RB1: variants seen among roughly 807,000 people sequenced by gnomAD.
RB1 encodes the protein retinoblastoma-associated protein.
In RB1, 18 loss-of-function variants were observed where a neutral mutation model predicts 135.4. That is an observed-to-expected ratio of 0.13 (90% CI 0.09 to 0.20). The LOEUF (loss-of-function observed/expected upper bound fraction) is 0.20. Ranked by LOEUF, RB1 falls within the 10% of genes least tolerant of loss-of-function variation. The probability of loss-of-function intolerance (pLI) is 1.00; values close to 1 mark genes in which losing one functional copy is unlikely to be tolerated. For missense variants in RB1, 868 were observed against 1,110.0 expected, an observed-to-expected ratio of 0.78 and a Z score of 3.10; for synonymous variants, 365 against 373.2, an observed-to-expected ratio of 0.98 and a Z score of 0.25.
intron 3 of RB1, among the ~76,000 whole-genome samples, chr13:48,344,077 C>T (rs533250566): frequency 2.0e-5 from 3 of 152,058 alleles, no homozygotes; most frequent in Non-Finnish European, 4.4e-5. Context: ...ATTCCTTATA[C>T]AAAATTCATG....
At position 48,459,784 on chromosome 13, in the gene RB1, A is replaced by G. The variant is rs1172128543; in HGVS notation, c.2057A>G (p.His686Arg). Residue 686 changes from histidine (H) to arginine (R), a missense_variant, in exon 20 of 27, where the codon CAC (histidine) becomes CGC (arginine). By Grantham distance (29) the His-to-Arg change is conservative. Transcript: ENST00000267163. ...LEHIIWTLFQ[H>R]TLQNEYELMR... ...CATATCATCTGGACCCTTTTCCAGC[A>G]CACCCTGCAGAATGAGTATGAACTC... 6.2e-7 allele frequency: 1 copy of G among 1,613,886 alleles called. No individual in the cohort carries two copies. The highest frequency in any genetic ancestry group is 8.5e-7 in the Non-Finnish European group (1 of 1,179,966).
intron 17 of RB1, among the ~76,000 whole-genome samples, chr13:48,440,226 G>A (rs1949223782): frequency 6.6e-6 from 1 of 152,094 alleles, no homozygotes; most frequent in Admixed American, 6.5e-5. Flanking sequence ...TCAGGAAATA[G>A]GAGTTTACAG....
intron 2 of RB1, chr13:48,318,907 G>A: frequency 8.6e-7 from 1 of 1,164,368 alleles, no homozygotes; most frequent in Non-Finnish European, 1.3e-6. Flanking sequence ...CGCTGTCCAC[G>A]GAGCTACTGT....
intron 6 of RB1, among the ~76,000 whole-genome samples, chr13:48,356,800 C>T (rs943829916): frequency 4.0e-5 from 6 of 151,880 alleles, no homozygotes; most frequent in African/African-American, 1.4e-4. Flanking sequence ...TTACAATCAA[C>T]AAGTTTTTAA....
intron 2 of RB1, among the ~76,000 whole-genome samples, chr13:48,335,963 C>A (rs373730851): frequency 6.6e-6 from 1 of 151,450 alleles, no homozygotes; most frequent in South Asian, 2.1e-4. Flanking sequence ...TTGAGAAACC[C>A]CATGAAAAAG....
At chr13:48,317,385 G>T in intron 2 of RB1, 1 of 386,588 alleles carries the variant, frequency 2.6e-6, no homozygotes, top group East Asian at 5.0e-5. Context: ...AGCGCAGCGC[G>T]CACGGGTTCC....
chr13:48,399,707 A>G (rs1948675804), intron 17 of RB1, among the ~76,000 whole-genome samples: 1 of 152,050 alleles, frequency 6.6e-6, no homozygotes, highest in Non-Finnish European at 1.5e-5. Flanking sequence ...TTAAATGCTT[A>G]TGTAAGCCTG....
chr13:48,410,975 T>C (rs563041521), intron 17 of RB1: 1 of 152,518 alleles, frequency 6.6e-6, no homozygotes, highest in Non-Finnish European at 1.5e-5. Context: ...ATATGATTAG[T>C]AGTTTTAATT....
intron 17 of RB1, 127 bp from the exon 18 acceptor site, chr13:48,452,866 T>G: frequency 7.3e-7 from 1 of 1,363,732 alleles, no homozygotes; most frequent in Non-Finnish European, 1.0e-6. Flanking sequence ...ATTCTGACTT[T>G]TAAATTGCCA....
chr13:48,441,530 CT>C (rs1399637890), intron 17 of RB1, among the ~76,000 whole-genome samples: 1 of 152,014 alleles, frequency 6.6e-6, no homozygotes, highest in East Asian at 1.9e-4. Context: ...GAATTGGAAG[CT>C]TTAAGGATTA....
chr13:48,352,869 G>A (rs1952559907), intron 6 of RB1, among the ~76,000 whole-genome samples: 1 of 152,054 alleles, frequency 6.6e-6, no homozygotes, highest in African/African-American at 2.4e-5. Context: ...TGATTCCTCT[G>A]ATTAGGACTT....
rs1214049993 is a variant in RB1, at chr13:48,373,509, A to G, written c.1215+17A>G. 1.4e-6 allele frequency: 2 copies of G among 1,465,682 alleles called. No individual in the cohort carries two copies. Among genetic ancestry groups the G allele is most frequent in the Non-Finnish European group, 1.9e-6 (2 of 1,045,992 alleles). 90.8% of individuals were successfully genotyped at this position (1,465,682 alleles called of 1,614,324 possible). On this transcript the variant is annotated intron_variant, in intron 12 of 26. Transcript: ENST00000267163. ...TATTTTAACGTAAGCCATATATGAAACATTATTTATTGTAATATCTTGGCA... is the reference window on the plus strand; with the variant it reads ...TATTTTAACGTAAGCCATATATGAAGCATTATTTATTGTAATATCTTGGCA...
At chr13:48,447,600 A>G (rs559680065) in intron 17 of RB1, among the ~76,000 whole-genome samples, 6 of 152,264 alleles carry the variant, frequency 3.9e-5, no homozygotes, top group African/African-American at 1.2e-4. Context: ...CTCATATACT[A>G]TGATTTAAGT....
intron 11 of RB1, among the ~76,000 whole-genome samples, chr13:48,370,626 G>C (rs868609069): frequency 7.2e-5 from 11 of 152,314 alleles, no homozygotes; most frequent in South Asian, 4.1e-4. Flanking sequence ...TGAGGTATGG[G>C]GGATGGGATG....
chr13:48,384,149 G>A (rs1259062123), intron 17 of RB1, among the ~76,000 whole-genome samples: 1 of 152,046 alleles, frequency 6.6e-6, no homozygotes, highest in Non-Finnish European at 1.5e-5. Context: ...CCCAAATCTG[G>A]AAAAGAGTAT....
intron 11 of RB1, among the ~76,000 whole-genome samples, chr13:48,371,237 G>C (rs1004135433): frequency 1.3e-5 from 2 of 152,160 alleles, no homozygotes; most frequent in African/African-American, 2.4e-5. Context: ...CATAATTTTT[G>C]CAAGTTCACA....
chr13:48,365,315 A>G (rs942601297), intron 9 of RB1, among the ~76,000 whole-genome samples: 9 of 152,222 alleles, frequency 5.9e-5, no homozygotes, highest in Non-Finnish European at 1.0e-4. Context: ...GGTAAGCCTC[A>G]TTAAGCGTAG....
intron 17 of RB1, among the ~76,000 whole-genome samples, chr13:48,386,255 G>T (rs1057499105): frequency 3.3e-5 from 5 of 152,270 alleles, no homozygotes; most frequent in African/African-American, 1.2e-4. Flanking sequence ...AGGCAACTTT[G>T]TCATTGTGTG....
intron 6 of RB1, among the ~76,000 whole-genome samples, chr13:48,353,603 A>G (rs749467563): frequency 6.6e-6 from 1 of 152,150 alleles, no homozygotes; most frequent in Non-Finnish European, 1.5e-5. Flanking sequence ...CAAGGCCTGT[A>G]TTACCCTGAT....
Sources: gnomAD v4.1 joint callset for allele counts (sites outside exome capture counted in the v4.1 genomes callset) on GRCh38, gnomAD v4.1.1 for gene constraint, MANE v1.5 for transcripts, NCBI Gene and HGNC (gene_info 2026-07-23, HGNC 2026-07-21) for gene names.